The following PGBD5 variants were observed in gnomAD, a reference collection of about 807,000 sequenced individuals.
PGBD5 encodes the protein piggyBac transposable element derived 5.
Under a neutral mutation model 47.9 loss-of-function variants are expected in PGBD5, and 14 were observed. The observed-to-expected ratio is 0.29, with a 90% CI of 0.19 to 0.46. The LOEUF (loss-of-function observed/expected upper bound fraction) is 0.46, where lower values mean the gene tolerates loss of function less well. Ranked by LOEUF, PGBD5 falls within the 20% of genes least tolerant of loss-of-function variation. The pLI is 1.00. For missense variants in PGBD5, 635 were observed against 716.0 expected, an observed-to-expected ratio of 0.89 and a Z score of 1.29; for synonymous variants, 316 against 306.3, an observed-to-expected ratio of 1.03 and a Z score of -0.33.
intron 1 of PGBD5, among the ~76,000 whole-genome samples, chr1:230,389,352 T>G (rs1656731738): frequency 6.6e-6 from 1 of 151,904 alleles, no homozygotes; most frequent in African/African-American, 2.4e-5. Context: ...TTTGTATTTT[T>G]GGTAGAGACG....
intron 1 of PGBD5, among the ~76,000 whole-genome samples, chr1:230,372,223 G>A (rs959892388): frequency 1.3e-5 from 2 of 152,152 alleles, no homozygotes; most frequent in Non-Finnish European, 2.9e-5. Flanking sequence ...TTCACTTTCC[G>A]GCAAATCAAA....
chr1:230,401,173 C>T (rs975632638), intron 1 of PGBD5, among the ~76,000 whole-genome samples: 2 of 152,200 alleles, frequency 1.3e-5, no homozygotes, highest in African/African-American at 4.8e-5. Flanking sequence ...AGGAGAGCTG[C>T]GTGGTGGGAG....
At chr1:230,389,174 C>CT (rs5781582) in intron 1 of PGBD5, among the ~76,000 whole-genome samples, 220 of 142,662 alleles carry the variant, frequency 1.5e-3, no homozygotes, top group South Asian at 2.4e-3. Context: ...CATTTTCTTT[C>CT]TTTTTTTTTT....
At chr1:230,418,825 T>C (rs1449385423) in intron 1 of PGBD5, among the ~76,000 whole-genome samples, 1 of 152,208 alleles carries the variant, frequency 6.6e-6, no homozygotes, top group African/African-American at 2.4e-5. Flanking sequence ...ATCTGGGTGG[T>C]AGTGACACAG....
chr1:230,404,611 C>CAAAA (rs747306411), intron 1 of PGBD5, among the ~76,000 whole-genome samples: 1 of 100,362 alleles, frequency 1.0e-5, no homozygotes, highest in Non-Finnish European at 2.0e-5. Flanking sequence ...AGTCTTGTCT[C>CAAAA]AAAAAAAAAA....
chr1:230,346,969 A>G (rs1254039208), intron 3 of PGBD5, among the ~76,000 whole-genome samples: 2 of 152,210 alleles, frequency 1.3e-5, no homozygotes, highest in African/African-American at 4.8e-5. Flanking sequence ...TGCAGGTCTT[A>G]TCTTCCCAAC....
chr1:230,412,173 T>C (rs1421423977), intron 1 of PGBD5, among the ~76,000 whole-genome samples: 2 of 152,148 alleles, frequency 1.3e-5, no homozygotes, highest in Admixed American at 6.5e-5. Context: ...CCATGTATAA[T>C]ATTATATTAA....
At chr1:230,369,288 C>T (rs1224906983) in intron 1 of PGBD5, among the ~76,000 whole-genome samples, 1 of 152,220 alleles carries the variant, frequency 6.6e-6, no homozygotes, top group Non-Finnish European at 1.5e-5. Flanking sequence ...TACATTAGGA[C>T]AATGATGAAG....
chr1:230,340,985 A>G (rs1006442825), intron 3 of PGBD5, among the ~76,000 whole-genome samples: 2 of 152,156 alleles, frequency 1.3e-5, no homozygotes, highest in African/African-American at 4.8e-5. Flanking sequence ...ACAGGCACTG[A>G]GCTAAAGGCA....
At chr1:230,354,517 A>G (rs1246240992) in intron 2 of PGBD5, among the ~76,000 whole-genome samples, 1 of 152,202 alleles carries the variant, frequency 6.6e-6, no homozygotes, top group African/African-American at 2.4e-5. Flanking sequence ...TTTCGAACTT[A>G]TTTCATGTAT....
In PGBD5 at chr1:230,426,271, G is replaced by C. The variant is rs1478137133; in HGVS notation, c.-343C>G. The C allele has an allele frequency of 2.0e-5, 3 of 150,414 alleles. No homozygotes were observed. Among genetic ancestry groups the C allele is most frequent in the Non-Finnish European group, 4.4e-5 (3 of 68,720 alleles). 9.3% of individuals were successfully genotyped at this position (150,414 alleles called of 1,614,324 possible). A position where few individuals can be genotyped will look rare whatever the true frequency, so the allele number is the denominator to read the frequency against. ...CCACCGCCACCACCGCCGCCGCTGC[G>C]TCTCCTCGGCGCCCGCCGCCTCCCT... On this transcript the variant is annotated 5_prime_UTR_variant, in exon 1 of 7. Transcript: ENST00000391860.
rs138865438 is a variant in PGBD5 at position 230,332,995 on chromosome 1, G to T, written c.1122C>A (p.Thr374=). 1.2e-6 allele frequency: 2 copies of T among 1,612,714 alleles called. No individual in the cohort carries two copies. The highest frequency in any genetic ancestry group is 1.1e-5 in the South Asian group (1 of 90,942). Residue 374 remains threonine (T), a synonymous_variant, in exon 5 of 7, where the codon ACC becomes ACA. Transcript: ENST00000391860. The stretch of plus-strand genomic sequence containing the variant: ...TGGTCAGCATGGACAGTGGGAGGCC[G>T]GTGCAGTCACTCTTCCGCGCGCGGA... ...GLLRARKSDC[T]GLPLSMLTNP...
rs1667740815 is a variant in PGBD5 at position 230,361,465 on chromosome 1, A to C, written c.332-4144T>G. Among the ~76,000 whole-genome samples, 3 of 151,924 alleles carry C rather than the reference A, an allele frequency of 2.0e-5. No individual in the cohort carries two copies. The South Asian group carries it at 6.2e-4, about 32-fold the overall frequency. On this transcript the variant is annotated intron_variant, in intron 1 of 6. Transcript: ENST00000391860. Reference sequence around the variant, plus strand: ...CCATGTCCTTTCCTTCCCCCACCGCACCAGGCCATTCATGTCAAGGCCCCC... The same window carrying C: ...CCATGTCCTTTCCTTCCCCCACCGCCCCAGGCCATTCATGTCAAGGCCCCC...
intron 1 of PGBD5, among the ~76,000 whole-genome samples, chr1:230,395,401 C>CCT (rs1490249560): frequency 2.7e-4 from 8 of 29,862 alleles, no homozygotes; most frequent in Non-Finnish European, 3.2e-4. Flanking sequence ...TCCCTGAGCT[C>CCT]CTCTCACTCC....
intron 3 of PGBD5, among the ~76,000 whole-genome samples, chr1:230,341,546 A>T (rs1667408138): frequency 6.6e-6 from 1 of 152,334 alleles, no homozygotes; most frequent in African/African-American, 2.4e-5. Flanking sequence ...ATCACTGGGA[A>T]CCCACACATG....
intron 2 of PGBD5, among the ~76,000 whole-genome samples, chr1:230,352,738 G>C (rs551495009): frequency 6.6e-6 from 1 of 152,180 alleles, no homozygotes; most frequent in South Asian, 2.1e-4. Context: ...GCTCTTTGTA[G>C]CTCATAAAAC....
At chr1:230,392,703 C>A (rs1656818873) in intron 1 of PGBD5, among the ~76,000 whole-genome samples, 3 of 152,220 alleles carry the variant, frequency 2.0e-5, no homozygotes, top group Admixed American at 1.3e-4. Flanking sequence ...CAGCGGCCTG[C>A]TCTCACCCAA....
chr1:230,379,687 A>G (rs1462337186), intron 1 of PGBD5, among the ~76,000 whole-genome samples: 1 of 152,212 alleles, frequency 6.6e-6, no homozygotes, highest in Non-Finnish European at 1.5e-5. Context: ...GCCTGTTGGC[A>G]CCCCAGAGGT....
rs1667553788 is a variant in PGBD5 at position 230,351,049 on chromosome 1, G to A, written c.803C>T (p.Ala268Val). The change falls in exon 3 of 7, where the codon GCC becomes GTC. Residue 268 changes from alanine to valine, a missense_variant. Ala to Val is a moderately conservative substitution (Grantham distance 64, BLOSUM62 0). Transcript: ENST00000391860. ...PLIDEDPVFI[A>V]TCTERELRKR... ...TCGCAGCTCCCGCTCTGTGCACGTG[G>A]CAATGAATACAGGATCCTCATCGAT... 1.2e-6 allele frequency: 2 copies of A among 1,613,898 alleles called. No individual in the cohort carries two copies. The highest frequency in any genetic ancestry group is 1.7e-6 in the Non-Finnish European group (2 of 1,179,934).
Sources: gnomAD v4.1 joint callset for allele counts (sites outside exome capture counted in the v4.1 genomes callset) on GRCh38, gnomAD v4.1.1 for gene constraint, MANE v1.5 for transcripts, NCBI Gene and HGNC (gene_info 2026-07-23, HGNC 2026-07-21) for gene names.